UPF2: variants seen among roughly 807,000 people sequenced by gnomAD.
The protein encoded by UPF2 is regulator of nonsense transcripts 2.
UPF2 carries 17 observed loss-of-function variants against 141.4 expected under a neutral mutation model. The ratio of observed to expected loss-of-function variants is 0.12; its 90% confidence interval spans 0.08 to 0.18. The LOEUF is 0.18. Among genes scored for constraint, UPF2 ranks in the 10% least tolerant of loss-of-function variants. UPF2 has a pLI of 1.00. For missense variants in UPF2, 1,152 were observed against 1,515.9 expected, an observed-to-expected ratio of 0.76 and a Z score of 3.99; for synonymous variants, 540 against 498.0, an observed-to-expected ratio of 1.08 and a Z score of -1.12.
rs189985693 is a variant in UPF2, at chr10:12,040,235, A to G, written c.-19+2520T>C. On this transcript the variant is annotated intron_variant, in intron 1 of 21. Transcript: ENST00000357604. ...AGAGTTCGAAACCATCCTGGCCAAC[A>G]ACATGGTGAAACCCCATCTCTACTA... is the stretch of plus-strand genomic sequence containing the variant. Among the ~76,000 whole-genome samples the G allele has an allele frequency of 5.6e-3, 859 of 152,194 alleles. 10 individuals carry two copies. The highest frequency in any genetic ancestry group is 0.019 in the African/African-American group (798 of 41,524).
Position 12,014,864 on chromosome 10 carries a change from C to G in UPF2, c.1146-680G>C. Among the ~76,000 whole-genome samples, 1 of 152,166 alleles carries G rather than the reference C, an allele frequency of 6.6e-6. No homozygotes were observed. The highest frequency in any genetic ancestry group is 1.5e-5 in the Non-Finnish European group (1 of 68,030). On this transcript the variant is annotated intron_variant, in intron 3 of 21. Coordinates refer to ENST00000357604, the MANE Select transcript of UPF2 (RefSeq NM_015542.4). This position sits in a 1 kb window ranked among gnomAD's most constrained non-coding sequence, Gnocchi z 5.0. ...CAATTCTCAATCTACTGTGCAAGTA[C>G]TGGTTATTTATCCAGGTAACAAATA...
At chr10:11,974,381 C>T (rs1430537153) in intron 9 of UPF2, among the ~76,000 whole-genome samples, 2 of 152,118 alleles carry the variant, frequency 1.3e-5, no homozygotes, top group African/African-American at 4.8e-5. Context: ...CTTTCTCCTG[C>T]CTGATTGCCG....
At chr10:12,009,690 G>C (rs546860478) in intron 4 of UPF2, among the ~76,000 whole-genome samples, 41 of 152,298 alleles carry the variant, frequency 2.7e-4, no homozygotes, top group African/African-American at 9.9e-4. Context: ...GAGAAGCCAG[G>C]CAGTCTCCCT....
intron 15 of UPF2, among the ~76,000 whole-genome samples, chr10:11,949,290 TCACAGAACA>T (rs1421248446): frequency 2.6e-5 from 4 of 152,232 alleles, no homozygotes; most frequent in African/African-American, 9.6e-5. Flanking sequence ...ACGTCTCCTG[TCACAGAACA>T]CACTGCTTTG....
At chr10:11,978,410 T>C (rs1034060685) in intron 9 of UPF2, among the ~76,000 whole-genome samples, 1 of 152,168 alleles carries the variant, frequency 6.6e-6, no homozygotes, top group Non-Finnish European at 1.5e-5. Context: ...AAGCCTGTAT[T>C]TGAAGCAGAA....
intron 21 of UPF2, among the ~76,000 whole-genome samples, chr10:11,925,936 G>A (rs1007790274): frequency 6.6e-6 from 1 of 152,172 alleles, no homozygotes; most frequent in Non-Finnish European, 1.5e-5. Flanking sequence ...AAGCAGAAGG[G>A]CACACACAGA....
chr10:11,963,977 T>A (rs1833279189), intron 11 of UPF2, 32 bp downstream of exon 11: 1 of 1,512,080 alleles, frequency 6.6e-7, no homozygotes. Context: ...ATCAAGAACC[T>A]CTAGCTCTTA....
intron 11 of UPF2, among the ~76,000 whole-genome samples, chr10:11,961,102 A>T (rs1229544272): frequency 6.6e-6 from 1 of 151,864 alleles, no homozygotes; most frequent in East Asian, 1.9e-4. Context: ...AAAAAAAAAA[A>T]AAAAAATTAC....
Position 11,939,064 on chromosome 10 carries a change from G to A in UPF2, c.3379-2352C>T, listed in dbSNP as rs1832903543. Among the ~76,000 whole-genome samples the A allele has an allele frequency of 2.0e-5, 3 of 151,626 alleles. No individual in the cohort carries two copies. The highest frequency in any genetic ancestry group is 7.3e-5 in the African/African-American group (3 of 41,246). Reference sequence around the variant, plus strand: ...ATTTTTTGTATTTACTGGAGACGGGGTTTCACCGTGTTAGCTAGGAGGGTC... The same window carrying A: ...ATTTTTTGTATTTACTGGAGACGGGATTTCACCGTGTTAGCTAGGAGGGTC... On this transcript the variant is annotated intron_variant, in intron 18 of 21. Transcript: ENST00000357604. The surrounding 1 kb of genome is among the most constrained non-coding windows in gnomAD (Gnocchi z 4.8).
chr10:11,996,686 ACTT>A (rs1195989568), intron 8 of UPF2, among the ~76,000 whole-genome samples: 1 of 152,134 alleles, frequency 6.6e-6, no homozygotes, highest in Non-Finnish European at 1.5e-5. Flanking sequence ...CATCCATATG[ACTT>A]CTTCAATTAC....
intron 21 of UPF2, among the ~76,000 whole-genome samples, chr10:11,924,965 C>T (rs1832693287): frequency 6.6e-6 from 1 of 152,062 alleles, no homozygotes; most frequent in Non-Finnish European, 1.5e-5. Context: ...ATTATAGGTG[C>T]CCGCCACCAT....
intron 19 of UPF2, among the ~76,000 whole-genome samples, chr10:11,933,814 G>A (rs1832810137): frequency 6.6e-6 from 1 of 152,038 alleles, no homozygotes; most frequent in East Asian, 1.9e-4. Flanking sequence ...AGGGAGGAAG[G>A]AAAAAAACTC....
At position 11,936,793 on chromosome 10, in the gene UPF2, A is replaced by G; in HGVS notation, c.3379-81T>C. 3.8e-6 allele frequency: 5 copies of G among 1,328,132 alleles called. No individual in the cohort carries two copies. Among genetic ancestry groups the G allele is most frequent in the East Asian group, 2.6e-5 (1 of 38,520 alleles). The allele number at this position is 1,328,132 out of a possible 1,614,324, so 82.3% of individuals were successfully genotyped here. A position where few individuals can be genotyped will look rare whatever the true frequency, so the allele number is the denominator to read the frequency against. On this transcript the variant is annotated intron_variant, in intron 18 of 21. Transcript: ENST00000357604. The surrounding 1 kb of genome is among the most constrained non-coding windows in gnomAD (Gnocchi z 6.6). The stretch of plus-strand genomic sequence containing the variant: ...TCAATATAAATTGCAAACTCATTCA[A>G]TGCTGTATTTCTTAAAACACAACAA...
rs771739562 is a variant in UPF2 at position 12,029,147 on chromosome 10, A to G, written c.743T>C (p.Phe248Ser). The G allele has an allele frequency of 1.3e-5, 21 of 1,614,226 alleles. No homozygotes were observed. The highest frequency in any genetic ancestry group is 1.7e-5 in the Admixed American group (1 of 60,020). Reference protein sequence around the residue: ...PSLLQVWKKHFEARKEEKTPN... With the variant: ...PSLLQVWKKHSEARKEEKTPN... ...TGTTTTCTCCTCTTTCCTTGCTTCA[A>G]AATGTTTTTTCCAGACCTGAAGAAG... Residue 248 changes from phenylalanine to serine, a missense_variant, in exon 3 of 22, where the codon TTT becomes TCT. By Grantham distance (155) the Phe-to-Ser change is radical. This residue lies in a region of UPF2 where 739 missense variants were observed against 1,032.2 expected (regional missense o/e 0.72). Transcript: ENST00000357604.
At chr10:11,930,323 C>G (rs1334719275) in intron 20 of UPF2, among the ~76,000 whole-genome samples, 1 of 152,198 alleles carries the variant, frequency 6.6e-6, no homozygotes, top group Non-Finnish European at 1.5e-5. Flanking sequence ...AGCTCTGTCA[C>G]TTTCTAGCTG....
intron 5 of UPF2, among the ~76,000 whole-genome samples, chr10:12,003,423 G>A (rs1339834011): frequency 6.6e-6 from 1 of 152,160 alleles, no homozygotes; most frequent in Non-Finnish European, 1.5e-5. Context: ...CCAGAAAACA[G>A]AACAATGCAG....
At chr10:11,965,148 A>T (rs1833299087) in intron 10 of UPF2, among the ~76,000 whole-genome samples, 2 of 152,176 alleles carry the variant, frequency 1.3e-5, no homozygotes, top group Non-Finnish European at 2.9e-5. Flanking sequence ...GACATACATC[A>T]TTGTAGAGAA....
chr10:11,969,240 C>T (rs58854595), intron 9 of UPF2, among the ~76,000 whole-genome samples: 9,069 of 151,434 alleles, frequency 0.06, 329 homozygotes, highest in Non-Finnish European at 0.085. Flanking sequence ...CGATCTCAGA[C>T]CACTGCAACC....
At chr10:11,922,572 A>G (rs1832659279) in intron 21 of UPF2, among the ~76,000 whole-genome samples, 1 of 152,214 alleles carries the variant, frequency 6.6e-6, no homozygotes, top group Non-Finnish European at 1.5e-5. Context: ...ATCTTTGCTA[A>G]GTAAGGTATA....
Sources: allele counts gnomAD v4.1 joint callset (sites outside exome capture counted in the v4.1 genomes callset), GRCh38; gene constraint gnomAD v4.1.1; regional missense constraint gnomAD v4.1.1; non-coding constraint Gnocchi (gnomAD v3.1); transcripts MANE v1.5; gene names NCBI Gene and HGNC (gene_info 2026-07-23, HGNC 2026-07-21).